Variants in FAM53B observed in about 807,000 individuals in gnomAD.
FAM53B encodes family with sequence similarity 53 member B, also known as protein FAM53B.
In FAM53B, 12 loss-of-function variants were observed where a neutral mutation model predicts 32.7. That is an observed-to-expected ratio of 0.37 (90% CI 0.24 to 0.59). The LOEUF (loss-of-function observed/expected upper bound fraction) is 0.59. FAM53B is among the 20% of genes least tolerant of loss of function. The probability of loss-of-function intolerance (pLI) is 0.72; values close to 1 mark genes in which losing one functional copy is unlikely to be tolerated. For synonymous variants in FAM53B, 234 were observed against 228.7 expected (o/e 1.02, Z -0.21); for missense variants, 477 against 577.7 (o/e 0.83, Z 1.79).
At chr10:124,699,843 G>A (rs1393747350) in intron 2 of FAM53B, among the ~76,000 whole-genome samples, 5 of 152,202 alleles carry the variant, frequency 3.3e-5, no homozygotes, top group African/African-American at 7.2e-5. Flanking sequence ...CAGCCTGCCC[G>A]TGAGCACCTG....
At chr10:124,729,454 C>T (rs1950127468) in intron 1 of FAM53B, among the ~76,000 whole-genome samples, 1 of 152,230 alleles carries the variant, frequency 6.6e-6, no homozygotes, top group Admixed American at 6.5e-5. Context: ...CCAGGCACTT[C>T]CTTCATGCAA....
At chr10:124,673,194 G>A (rs144602992) in intron 4 of FAM53B, among the ~76,000 whole-genome samples, 62 of 152,084 alleles carry the variant, frequency 4.1e-4, no homozygotes, top group Middle Eastern at 3.4e-3. Context: ...CTCCTGCCTG[G>A]CCTCCCCACC....
At chr10:124,648,489 C>T (rs1157876605) in intron 4 of FAM53B, among the ~76,000 whole-genome samples, 2 of 152,222 alleles carry the variant, frequency 1.3e-5, no homozygotes, top group South Asian at 4.1e-4. Flanking sequence ...GAGCCTCCCC[C>T]ATCTGTAAAA....
intron 1 of FAM53B, among the ~76,000 whole-genome samples, chr10:124,739,489 CTTTG>C (rs918224283): frequency 6.5e-4 from 99 of 152,224 alleles, no homozygotes; most frequent in African/African-American, 2.3e-3. Flanking sequence ...GAATCTGTTT[CTTTG>C]TTTAACAAGA....
At chr10:124,725,690 AG>A (rs1295303299) in intron 1 of FAM53B, among the ~76,000 whole-genome samples, 1 of 152,236 alleles carries the variant, frequency 6.6e-6, no homozygotes, top group African/African-American at 2.4e-5. Context: ...GTGGAAACCG[AG>A]ATGGACAGTG....
chr10:124,635,147 C>T (rs893131015), intron 4 of FAM53B, among the ~76,000 whole-genome samples: 1 of 152,122 alleles, frequency 6.6e-6, no homozygotes, highest in Non-Finnish European at 1.5e-5. Flanking sequence ...GGCTGGAGTG[C>T]AGTGGCATGA....
chr10:124,687,344 T>C (rs970541938), intron 3 of FAM53B, among the ~76,000 whole-genome samples: 7 of 151,720 alleles, frequency 4.6e-5, no homozygotes, highest in South Asian at 2.1e-4. Context: ...CAAGTCACAA[T>C]TGTCATGGAT....
chr10:124,739,300 T>C lies in FAM53B; in HGVS notation c.-175+4713A>G, dbSNP rs368926338. Reference sequence around the variant, plus strand: ...GGCTATGTGGCCTTGGGCCAGTTACTTGGCCTCTCTGAGCCTCAGCTGTAA... The same window carrying C: ...GGCTATGTGGCCTTGGGCCAGTTACCTGGCCTCTCTGAGCCTCAGCTGTAA... On this transcript the variant is annotated intron_variant, in intron 1 of 4. Transcript: ENST00000337318. 3.3e-5 allele frequency among the ~76,000 whole-genome samples: 5 copies of C among 152,402 alleles called. No individual in the cohort carries two copies. In the East Asian group the frequency reaches 5.8e-4, roughly 18 times the overall value.
chr10:124,681,467 A>G, intron 4 of FAM53B, 140 bp downstream of exon 4: 1 of 719,004 alleles, frequency 1.4e-6, no homozygotes, highest in African/African-American at 1.8e-5. Context: ...TCTTTCTTTG[A>G]ATAGGATTTA....
intron 4 of FAM53B, among the ~76,000 whole-genome samples, chr10:124,635,300 C>T (rs1949422802): frequency 6.6e-6 from 1 of 152,134 alleles, no homozygotes; most frequent in Non-Finnish European, 1.5e-5. Flanking sequence ...ACTACATTGG[C>T]CAGGCTGGTC....
rs367842319 is a variant in FAM53B at position 124,644,531 on chromosome 10, C to T, written c.907-20927G>A. On this transcript the variant is annotated intron_variant, in intron 4 of 4. Coordinates refer to ENST00000337318, the MANE Select transcript of FAM53B (RefSeq NM_014661.4). ...TGTTCTTTCAGTGAAATGCACATCA[C>T]TTCTGGCTGACCTGCCTGGCACTCA... Among the ~76,000 whole-genome samples the T allele has an allele frequency of 7.9e-5, 12 of 152,358 alleles. No individual in the cohort carries two copies. In the South Asian group the frequency reaches 1.2e-3, roughly 16 times the overall value.
rs1023240153 is a variant in FAM53B at position 124,623,055 on chromosome 10, G to A, written c.*187C>T. ...GAGCCGGTGAGAGGCTGACACACCCGCTGTATGACGCGGCCAGGCCAGGCT... is the reference window on the plus strand; with the variant it reads ...GAGCCGGTGAGAGGCTGACACACCCACTGTATGACGCGGCCAGGCCAGGCT... On this transcript the variant is annotated 3_prime_UTR_variant, in exon 5 of 5. Coordinates refer to ENST00000337318, the MANE Select transcript of FAM53B (RefSeq NM_014661.4). 11 of 707,232 alleles carry A rather than the reference G, an allele frequency of 1.6e-5. No individual in the cohort carries two copies. Among genetic ancestry groups the A allele is most frequent in the African/African-American group, 1.1e-4 (6 of 55,040 alleles). The allele number at this position is 707,232 out of a possible 1,614,324, so 43.8% of individuals were successfully genotyped here. A position where few individuals can be genotyped will look rare whatever the true frequency, so the allele number is the denominator to read the frequency against.
intron 4 of FAM53B, among the ~76,000 whole-genome samples, chr10:124,642,038 T>C (rs1336522676): frequency 6.6e-6 from 1 of 152,312 alleles, no homozygotes; most frequent in Admixed American, 6.5e-5. Context: ...ATGGCGTGCG[T>C]GCATACACGT....
intron 1 of FAM53B, among the ~76,000 whole-genome samples, chr10:124,718,784 A>C (rs533529356): frequency 6.6e-6 from 1 of 152,380 alleles, no homozygotes; most frequent in Non-Finnish European, 1.5e-5. Context: ...GCAGTGGCTC[A>C]CGCCTATAAT....
Position 124,744,323 on chromosome 10 carries a change from CGGCGGCGTGCAGGAGGCA to C in FAM53B, c.-503_-486del, listed in dbSNP as rs1387416205. ...TCGCGGGCCCGGGCGCTAGGCGCGG[CGGCGGCGTGCAGGAGGCA>C]GGCGGCGTGCGGCGGCGGCGGCAGG... is the stretch of plus-strand genomic sequence containing the variant. On this transcript the variant is annotated 5_prime_UTR_variant, in exon 1 of 5. Coordinates refer to ENST00000337318, the MANE Select transcript of FAM53B (RefSeq NM_014661.4). 2.0e-5 allele frequency: 3 copies of C among 146,678 alleles called. No individual in the cohort carries two copies. Among genetic ancestry groups the C allele is most frequent in the African/African-American group, 4.9e-5 (2 of 40,752 alleles). 9.1% of individuals were successfully genotyped at this position (146,678 alleles called of 1,614,324 possible).
At chr10:124,640,549 T>C (rs954556357) in intron 4 of FAM53B, among the ~76,000 whole-genome samples, 5 of 152,230 alleles carry the variant, frequency 3.3e-5, no homozygotes, top group Admixed American at 2.0e-4. Flanking sequence ...TAGAATCTTG[T>C]CTTGTCCTGG....
chr10:124,681,408 T>C (rs1292570945), intron 4 of FAM53B, among the ~76,000 whole-genome samples, 199 bp downstream of exon 4: 1 of 152,204 alleles, frequency 6.6e-6, no homozygotes, highest in Non-Finnish European at 1.5e-5. Context: ...AAAGGGAATA[T>C]TTGCTTGTAA....
chr10:124,704,740 C>G (rs193007519), intron 2 of FAM53B, among the ~76,000 whole-genome samples: 1 of 152,308 alleles, frequency 6.6e-6, no homozygotes, highest in East Asian at 1.9e-4. Context: ...GTTTGCTAAG[C>G]ATTCAGTGTA....
intron 4 of FAM53B, among the ~76,000 whole-genome samples, chr10:124,640,101 T>C (rs1310767170): frequency 6.6e-6 from 1 of 152,178 alleles, no homozygotes; most frequent in East Asian, 1.9e-4. Flanking sequence ...TGGTAAAAAT[T>C]CCCAACTACA....
Sources: allele counts gnomAD v4.1 joint callset (sites outside exome capture counted in the v4.1 genomes callset), GRCh38; gene constraint gnomAD v4.1.1; transcripts MANE v1.5; gene names NCBI Gene and HGNC (gene_info 2026-07-23, HGNC 2026-07-21).